Variants in NKAIN2 observed in about 807,000 individuals in gnomAD.
The protein encoded by NKAIN2 is sodium/potassium transporting ATPase interacting 2.
A neutral mutation model predicts 32.6 loss-of-function variants in NKAIN2; 14 were observed. That is an observed-to-expected ratio of 0.43 (90% CI 0.28 to 0.67). The LOEUF is 0.67. Among genes scored for constraint, NKAIN2 ranks in the 30% least tolerant of loss-of-function variants. NKAIN2 has a pLI of 0.17. For synonymous variants in NKAIN2, 80 were observed against 87.2 expected, an observed-to-expected ratio of 0.92 and a Z score of 0.46; for missense variants, 198 against 258.3, an observed-to-expected ratio of 0.77 and a Z score of 1.60.
chr6:124,823,517 G>C lies in NKAIN2; in HGVS notation c.*288G>C. On this transcript the variant is annotated 3_prime_UTR_variant, in exon 7 of 7. Coordinates refer to ENST00000368417, the MANE Select transcript of NKAIN2 (RefSeq NM_001040214.3). ...CAGGCCCCTTTCTCCCAGGCCTTCG[G>C]AAAGTTCAGAAGGAGATGTGTTGAT... 2.5e-6 allele frequency: 1 copy of C among 402,336 alleles called. No individual in the cohort carries two copies. Among genetic ancestry groups the C allele is most frequent in the African/African-American group, 2.0e-5 (1 of 50,146 alleles). The allele number at this position is 402,336 out of a possible 1,614,324, so 24.9% of individuals were successfully genotyped here.
chr6:123,998,743 CTGTGTGTGTGTGTG>C (rs34410164), intron 1 of NKAIN2, among the ~76,000 whole-genome samples: 9 of 134,248 alleles, frequency 6.7e-5, no homozygotes, highest in Admixed American at 2.3e-4. Context: ...CTCTCTCTCT[CTGTGTGTGTGTGTG>C]TGTGTGTGTG....
At chr6:123,890,594 T>C (rs1408926276) in intron 1 of NKAIN2, among the ~76,000 whole-genome samples, 1 of 152,160 alleles carries the variant, frequency 6.6e-6, no homozygotes, top group Non-Finnish European at 1.5e-5. Flanking sequence ...CGAGGCCTTA[T>C]GTGAAAAATA....
chr6:123,932,419 T>C lies in NKAIN2; in HGVS notation c.54+128165T>C, dbSNP rs1281896795. 5.6e-4 allele frequency among the ~76,000 whole-genome samples: 39 copies of C among 69,516 alleles called. No individual in the cohort carries two copies. The South Asian group carries it at 0.022, about 40-fold the overall frequency. 45.6% of individuals were successfully genotyped at this position (69,516 alleles called of 152,430 possible). A position where few individuals can be genotyped will look rare whatever the true frequency, so the allele number is the denominator to read the frequency against. On this transcript the variant is annotated intron_variant, in intron 1 of 6. Coordinates refer to ENST00000368417, the MANE Select transcript of NKAIN2 (RefSeq NM_001040214.3). Reference sequence around the variant, plus strand: ...TTTTCTGTCTTTCTTTTTTTTTTTTTTTTTTTTTTTTTTTTGAGAAAGAGT... The same window carrying C: ...TTTTCTGTCTTTCTTTTTTTTTTTTCTTTTTTTTTTTTTTTGAGAAAGAGT...
chr6:124,432,148 C>T (rs552846887), intron 3 of NKAIN2, among the ~76,000 whole-genome samples: 62 of 152,292 alleles, frequency 4.1e-4, no homozygotes, highest in African/African-American at 1.5e-3. Context: ...GCATTTACTG[C>T]CATGCTTCAG....
chr6:124,107,492 A>G (rs763646830), intron 1 of NKAIN2, among the ~76,000 whole-genome samples: 21 of 152,122 alleles, frequency 1.4e-4, no homozygotes, highest in Non-Finnish European at 2.1e-4. Flanking sequence ...TAAAATTTAC[A>G]TTATTCATAC....
rs146641292 is a variant in NKAIN2, at chr6:124,217,949, A to G, written c.55-65056A>G. 5.9e-3 allele frequency among the ~76,000 whole-genome samples: 902 copies of G among 152,246 alleles called. 10 individuals carry two copies. The highest frequency in any genetic ancestry group is 0.018 in the African/African-American group (766 of 41,562). The stretch of plus-strand genomic sequence containing the variant: ...TTGTGTTTCATATAATAGCAGTAAC[A>G]CTATTGGCAATTTGTATGCGGTCGT... On this transcript the variant is annotated intron_variant, in intron 1 of 6. Coordinates refer to ENST00000368417, the MANE Select transcript of NKAIN2 (RefSeq NM_001040214.3).
intron 4 of NKAIN2, among the ~76,000 whole-genome samples, chr6:124,768,124 G>A (rs1460030512): frequency 6.6e-6 from 1 of 152,082 alleles, no homozygotes; most frequent in Non-Finnish European, 1.5e-5. Flanking sequence ...TCTAGAGATA[G>A]GAAAGAGTCC....
At chr6:124,238,094 A>G (rs982682627) in intron 1 of NKAIN2, among the ~76,000 whole-genome samples, 6 of 152,174 alleles carry the variant, frequency 3.9e-5, no homozygotes, top group Non-Finnish European at 7.4e-5. Context: ...TAGAGTAGGG[A>G]AAAAAGGGTT....
At chr6:124,463,062 A>C (rs1016570540) in intron 3 of NKAIN2, among the ~76,000 whole-genome samples, 11 of 151,064 alleles carry the variant, frequency 7.3e-5, no homozygotes, top group African/African-American at 2.7e-4. Context: ...AATTGAAACA[A>C]GTATCTCTAC....
At chr6:123,953,935 G>A (rs991356606) in intron 1 of NKAIN2, among the ~76,000 whole-genome samples, 1 of 152,192 alleles carries the variant, frequency 6.6e-6, no homozygotes, top group African/African-American at 2.4e-5. Context: ...GGCCCCAACT[G>A]TTGTAGCCCA....
intron 1 of NKAIN2, among the ~76,000 whole-genome samples, chr6:123,847,988 T>C (rs1775162844): frequency 6.6e-6 from 1 of 152,164 alleles, no homozygotes; most frequent in Admixed American, 6.5e-5. Flanking sequence ...AGCAGCGTTC[T>C]AGCTCCTAGA....
chr6:124,322,427 T>C (rs560254848), intron 2 of NKAIN2, among the ~76,000 whole-genome samples: 32 of 152,282 alleles, frequency 2.1e-4, no homozygotes, highest in African/African-American at 7.7e-4. Flanking sequence ...AAATGAGAAA[T>C]TGACATTGGC....
intron 1 of NKAIN2, among the ~76,000 whole-genome samples, chr6:124,155,169 T>C (rs144754533): frequency 2.2e-3 from 332 of 152,254 alleles, no homozygotes; most frequent in African/African-American, 7.5e-3. Flanking sequence ...AAGCATGGTA[T>C]CTGGATGATT....
At chr6:124,770,283 C>T (rs933877876) in intron 4 of NKAIN2, among the ~76,000 whole-genome samples, 1 of 152,148 alleles carries the variant, frequency 6.6e-6, no homozygotes, top group African/African-American at 2.4e-5. Flanking sequence ...ACTTGGCTTC[C>T]CTCATGTCAG....
At chr6:123,949,323 TC>T (rs1424944029) in intron 1 of NKAIN2, among the ~76,000 whole-genome samples, 1 of 152,158 alleles carries the variant, frequency 6.6e-6, no homozygotes, top group East Asian at 1.9e-4. Context: ...TAGTATTTTT[TC>T]TATGTCTGTG....
chr6:124,219,742 G>A (rs1375580385), intron 1 of NKAIN2, among the ~76,000 whole-genome samples: 1 of 152,062 alleles, frequency 6.6e-6, no homozygotes, highest in African/African-American at 2.4e-5. Context: ...CTAAAGGTTG[G>A]CTCTCAAGTA....
intron 1 of NKAIN2, among the ~76,000 whole-genome samples, chr6:124,008,231 T>G (rs1780164276): frequency 6.6e-6 from 1 of 152,182 alleles, no homozygotes; most frequent in South Asian, 2.1e-4. Context: ...TCTTTTGTCT[T>G]GCCTTTCCTC....
intron 1 of NKAIN2, among the ~76,000 whole-genome samples, chr6:124,117,398 C>A (rs1785666367): frequency 1.3e-5 from 2 of 151,946 alleles, no homozygotes; most frequent in Admixed American, 1.3e-4. Flanking sequence ...GCAAAATGGT[C>A]AGCACAGGCA....
At chr6:124,646,321 T>C (rs1784165749) in intron 3 of NKAIN2, among the ~76,000 whole-genome samples, 1 of 152,132 alleles carries the variant, frequency 6.6e-6, no homozygotes, top group African/African-American at 2.4e-5. Flanking sequence ...AGTTCACTAT[T>C]AGACTCGCAA....
Sources: allele counts gnomAD v4.1 joint callset (sites outside exome capture counted in the v4.1 genomes callset), GRCh38; gene constraint gnomAD v4.1.1; transcripts MANE v1.5; gene names NCBI Gene and HGNC (gene_info 2026-07-23, HGNC 2026-07-21).